The following VPS13C variants were observed in gnomAD, a reference collection of about 807,000 sequenced individuals.
VPS13C encodes intermembrane lipid transfer protein VPS13C.
Under a neutral mutation model 456.8 loss-of-function variants are expected in VPS13C, and 358 were observed. The ratio of observed to expected loss-of-function variants is 0.78; its 90% CI spans 0.72 to 0.86. The LOEUF (loss-of-function observed/expected upper bound fraction) is 0.86. Among genes scored for constraint, VPS13C ranks in the 40% least tolerant of loss-of-function variants. VPS13C has a pLI of 0.00. For synonymous variants in VPS13C, 1,578 were observed against 1,486.7 expected, an observed-to-expected ratio of 1.06 and a Z score of -1.41; for missense variants, 4,818 against 4,385.4, an observed-to-expected ratio of 1.10 and a Z score of -2.79.
chr15:61,952,092 T>A, intron 38 of VPS13C, 112 bp from the exon 39 acceptor site: 1 of 1,210,796 alleles, frequency 8.3e-7, no homozygotes, highest in Non-Finnish European at 1.1e-6. Flanking sequence ...CACACAATGT[T>A]AAGATGTGTA....
intron 16 of VPS13C, among the ~76,000 whole-genome samples, chr15:61,995,965 T>C (rs2046370225): frequency 6.6e-6 from 1 of 152,142 alleles, no homozygotes; most frequent in Non-Finnish European, 1.5e-5. Flanking sequence ...CAGAGGAACA[T>C]GGAGCACAGT....
At chr15:61,897,701 T>A (rs1032812958) in intron 66 of VPS13C, among the ~76,000 whole-genome samples, 15 of 151,578 alleles carry the variant, frequency 9.9e-5, no homozygotes, top group Non-Finnish European at 2.2e-4. Flanking sequence ...CAGGAGAACT[T>A]CCCCAATCTA....
chr15:62,051,206 A>T (rs2048605387), intron 1 of VPS13C, among the ~76,000 whole-genome samples: 1 of 152,236 alleles, frequency 6.6e-6, no homozygotes, highest in Non-Finnish European at 1.5e-5. Flanking sequence ...ATAAATCCCC[A>T]GTCTGATTAT....
intron 9 of VPS13C, among the ~76,000 whole-genome samples, chr15:62,019,579 T>G (rs1376156110): frequency 2.6e-5 from 4 of 152,184 alleles, no homozygotes; most frequent in East Asian, 3.8e-4. Context: ...GTTGTTCAGT[T>G]TCCATGTAGT....
In VPS13C at chr15:62,012,221, G is replaced by GACACACAC. The variant is rs67220908; in HGVS notation, c.826-65_826-58dup. 4,353 of 510,918 alleles carry GACACACAC rather than the reference G, an allele frequency of 8.5e-3. 27 individuals are homozygous for GACACACAC. Among genetic ancestry groups the GACACACAC allele is most frequent in the African/African-American group, 0.021 (1,007 of 47,418 alleles). 31.6% of individuals were successfully genotyped at this position (510,918 alleles called of 1,614,324 possible). On this transcript the variant is annotated intron_variant, in intron 11 of 84. Coordinates refer to ENST00000644861, the MANE Select transcript of VPS13C (RefSeq NM_020821.3). ...GAAAATGCACACATATTCAGACTCA[G>GACACACAC]ACACACACACACACACACACACACA...
intron 25 of VPS13C, among the ~76,000 whole-genome samples, chr15:61,973,768 C>T (rs993107024): frequency 6.6e-6 from 1 of 152,100 alleles, no homozygotes; most frequent in Non-Finnish European, 1.5e-5. Context: ...CAAAACTAAG[C>T]CCAGCTCTAG....
At chr15:61,917,303 T>C (rs1469238380) in intron 60 of VPS13C, 38 bp downstream of exon 60, 8 of 1,593,398 alleles carry the variant, frequency 5.0e-6, no homozygotes, top group Non-Finnish European at 4.3e-6. Context: ...ATTTACTCTG[T>C]GCAACAACAA....
chr15:62,060,098 G>A (rs1410399396), intron 1 of VPS13C, among the ~76,000 whole-genome samples, 177 bp downstream of exon 1: 4 of 152,142 alleles, frequency 2.6e-5, no homozygotes, highest in African/African-American at 9.7e-5. Context: ...AGCCGGAGTC[G>A]GGACTGGGAC....
chr15:61,922,349 A>T (rs746205472), intron 54 of VPS13C, 48 bp downstream of exon 54: 3 of 1,554,162 alleles, frequency 1.9e-6, no homozygotes, highest in Non-Finnish European at 1.7e-6. Flanking sequence ...TAATTCCAAA[A>T]TCGCACTTTC....
intron 9 of VPS13C, among the ~76,000 whole-genome samples, chr15:62,020,105 C>T (rs1248930261): frequency 6.7e-6 from 1 of 148,948 alleles, no homozygotes; most frequent in Non-Finnish European, 1.5e-5. Flanking sequence ...CGCACACACA[C>T]ACACATACAT....
intron 63 of VPS13C, among the ~76,000 whole-genome samples, chr15:61,911,471 A>G (rs996368936): frequency 6.6e-6 from 1 of 152,166 alleles, no homozygotes; most frequent in Non-Finnish European, 1.5e-5. Context: ...AGGATGTGCT[A>G]TCTCTCCACA....
At position 61,969,417 on chromosome 15, in the gene VPS13C, T is replaced by A; in HGVS notation, c.2793A>T (p.Glu931Asp). Residue 931 changes from glutamate (E) to aspartate (D), a missense_variant, in exon 28 of 85, where the codon GAA becomes GAT. Physicochemically the swap from Glu to Asp is conservative, Grantham distance 45. Transcript: ENST00000644861. ...TAACATTAAATACTAGAATTGTATC[T>A]TCTTCTTTCTGCTGTTTAGTAAATT... ...ILEFTKQQKE[E>D]DTILVFNVTQ... 6.4e-7 allele frequency: 1 copy of A among 1,569,472 alleles called. No individual in the cohort carries two copies. Among genetic ancestry groups the A allele is most frequent in the Non-Finnish European group, 8.6e-7 (1 of 1,156,348 alleles).
rs963166991 is a variant in VPS13C at position 61,916,057 on chromosome 15, T to A, written c.8056-35A>T. On this transcript the variant is annotated intron_variant, in intron 60 of 84. Transcript: ENST00000644861. Reference sequence around the variant, plus strand: ...AACAAAAATTCGCTGAGTAACTTTTTAAAAACTCTGAAATAACAAAATTCT... The same window carrying A: ...AACAAAAATTCGCTGAGTAACTTTTAAAAAACTCTGAAATAACAAAATTCT... The A allele has an allele frequency of 3.9e-6, 6 of 1,522,292 alleles. No individual in the cohort carries two copies. The African/African-American group carries it at 8.4e-5, about 21-fold the overall frequency. The allele number at this position is 1,522,292 out of a possible 1,614,324, so 94.3% of individuals were successfully genotyped here. A position where few individuals can be genotyped will look rare whatever the true frequency, so the allele number is the denominator to read the frequency against.
intron 38 of VPS13C, 23 bp from the exon 39 acceptor site, chr15:61,952,003 C>G: frequency 6.2e-7 from 1 of 1,605,572 alleles, no homozygotes; most frequent in Non-Finnish European, 8.5e-7. Flanking sequence ...ACCAGTATTA[C>G]CACCAACTAT....
rs1432282426 is a variant in VPS13C at position 62,010,525 on chromosome 15, G to A, written c.958C>T (p.Leu320=). The change falls in exon 13 of 85, where the codon CTG becomes TTG. Residue 320 remains leucine (L), a synonymous_variant. Transcript: ENST00000644861. ...YAESELKTPK[L]DCNIEIQNIA... The stretch of plus-strand genomic sequence containing the variant: ...TTTTGTATTTCTATGTTGCAATCCA[G>A]TTTGGGCGTTTTGAGCTCTGATTCT... 3 of 1,613,428 alleles carry A rather than the reference G, an allele frequency of 1.9e-6. No individual in the cohort carries two copies. The highest frequency in any genetic ancestry group is 2.2e-5 in the East Asian group (1 of 44,774).
intron 14 of VPS13C, among the ~76,000 whole-genome samples, chr15:62,007,826 G>A (rs1179065354): frequency 6.6e-6 from 1 of 152,146 alleles, no homozygotes; most frequent in Non-Finnish European, 1.5e-5. Flanking sequence ...AAGAATTTGG[G>A]AACCGGCAGG....
At chr15:61,972,855 C>T in intron 26 of VPS13C, 91 bp from the exon 27 acceptor site, 1 of 1,344,698 alleles carries the variant, frequency 7.4e-7, no homozygotes, top group East Asian at 2.3e-5. Context: ...AAGTGAAATT[C>T]ATTTATTAGA....
intron 45 of VPS13C, among the ~76,000 whole-genome samples, chr15:61,943,914 T>A (rs79274371): frequency 2.6e-4 from 37 of 144,322 alleles, no homozygotes; most frequent in Admixed American, 2.1e-4. Context: ...CCAGAATCTA[T>A]AAAAAAAAAA....
intron 22 of VPS13C, among the ~76,000 whole-genome samples, chr15:61,979,433 G>T (rs1002515187): frequency 2.0e-5 from 3 of 152,112 alleles, no homozygotes; most frequent in African/African-American, 7.2e-5. Flanking sequence ...TGCTAAAATT[G>T]AGGCAAAAAC....
Sources: gnomAD v4.1 joint callset for allele counts (sites outside exome capture counted in the v4.1 genomes callset) on GRCh38, gnomAD v4.1.1 for gene constraint, MANE v1.5 for transcripts, NCBI Gene and HGNC (gene_info 2026-07-23, HGNC 2026-07-21) for gene names.